ALKBH1: variants seen among roughly 807,000 people sequenced by gnomAD.
ALKBH1 encodes alkB homolog 1, histone H2A dioxygenase, also known as nucleic acid dioxygenase ALKBH1.
Under a neutral mutation model 36.6 loss-of-function variants are expected in ALKBH1, and 31 were observed. The ratio of observed to expected loss-of-function variants is 0.85; its 90% confidence interval spans 0.64 to 1.14. The LOEUF (loss-of-function observed/expected upper bound fraction) is 1.14. Among genes scored for constraint, ALKBH1 ranks in the 50% most tolerant of loss-of-function variants. The pLI, the probability that ALKBH1 is intolerant of heterozygous loss-of-function variation, is 0.00. For synonymous variants in ALKBH1, 183 were observed against 186.6 expected (o/e 0.98, Z 0.16); for missense variants, 490 against 497.3 (o/e 0.99, Z 0.14).
chr14:77,707,817 T>C lies in ALKBH1; in HGVS notation c.183+5A>G. The C allele has an allele frequency of 6.2e-7, 1 of 1,601,184 alleles. No individual in the cohort carries two copies. Among genetic ancestry groups the C allele is most frequent in the Non-Finnish European group, 8.5e-7 (1 of 1,173,502 alleles). On this transcript the variant is annotated splice_donor_5th_base_variant and intron_variant, in intron 1 of 5. Transcript: ENST00000216489. ...GAGAGACGCGCGCCACTCCTCTCTC[T>C]GTACCTTTTGGGCACCAGGACCCTT...
intron 3 of ALKBH1, among the ~76,000 whole-genome samples, chr14:77,691,542 T>G (rs2080297168): frequency 2.6e-5 from 4 of 152,146 alleles, no homozygotes; most frequent in African/African-American, 9.7e-5. Context: ...ATACCTTCAT[T>G]TCTTACATGA....
At position 77,673,827 on chromosome 14, in the gene ALKBH1, T is replaced by C. The variant is rs1450131550; in HGVS notation, c.1155A>G (p.Ile385Met). 7 of 1,613,116 alleles carry C rather than the reference T, an allele frequency of 4.3e-6. No homozygotes were observed. Among genetic ancestry groups the C allele is most frequent in the Non-Finnish European group, 5.1e-6 (6 of 1,179,442 alleles). Reference protein sequence around the residue: ...DQNSEVKRARINPDS With the variant: ...DQNSEVKRARMNPDS ...TCTCCAAGTCTCAGCTGTCAGGGTT[T>C]ATCCTGGCCCGTTTTACTTCGCTAT... The change falls in exon 6 of 6, where the codon ATA (isoleucine) becomes ATG (methionine). Residue 385 changes from isoleucine (I) to methionine (M), a missense_variant. Coordinates refer to ENST00000216489, the MANE Select transcript of ALKBH1 (RefSeq NM_006020.3).
chr14:77,685,917 TATGCC>T (rs1186514572), intron 3 of ALKBH1, among the ~76,000 whole-genome samples: 1 of 152,208 alleles, frequency 6.6e-6, no homozygotes, highest in African/African-American at 2.4e-5. Flanking sequence ...TTTGAGTGTC[TATGCC>T]ATTTTGGGGG....
chr14:77,681,953 C>T (rs1355176583), intron 3 of ALKBH1, among the ~76,000 whole-genome samples: 1 of 152,158 alleles, frequency 6.6e-6, no homozygotes, highest in Non-Finnish European at 1.5e-5. Flanking sequence ...GACTTTGCTC[C>T]AGGTGCCTTT....
At chr14:77,689,206 T>G (rs2080284872) in intron 3 of ALKBH1, among the ~76,000 whole-genome samples, 1 of 152,218 alleles carries the variant, frequency 6.6e-6, no homozygotes, top group South Asian at 2.1e-4. Flanking sequence ...TTTCATACAG[T>G]TTACACTCAC....
chr14:77,685,457 A>C (rs1052422156), intron 3 of ALKBH1, among the ~76,000 whole-genome samples: 1 of 149,674 alleles, frequency 6.7e-6, no homozygotes, highest in Non-Finnish European at 1.5e-5. Flanking sequence ...ACAAAAAAAA[A>C]CAAGGACTCT....
At position 77,674,006 on chromosome 14, in the gene ALKBH1, C is replaced by T. The variant is rs1566810238; in HGVS notation, c.976G>A (p.Asp326Asn). 5.6e-6 allele frequency: 9 copies of T among 1,614,070 alleles called. No homozygotes were observed. Among genetic ancestry groups the T allele is most frequent in the East Asian group, 2.2e-5 (1 of 44,884 alleles). ...AAGTAGCTGGCACACACCTGCCAGT[C>T]CTCCATAGAACAAGGCTCTACCATT... ...DSMVEPCSME[D>N]WQVCASYLKT... The change falls in exon 6 of 6, where the codon GAC becomes AAC. Residue 326 changes from aspartate to asparagine, a missense_variant. Coordinates refer to ENST00000216489, the MANE Select transcript of ALKBH1 (RefSeq NM_006020.3).
chr14:77,680,686 T>C (rs1229454358), intron 3 of ALKBH1, among the ~76,000 whole-genome samples: 20 of 149,648 alleles, frequency 1.3e-4, no homozygotes, highest in East Asian at 7.8e-4. Context: ...TCTTTTTTTT[T>C]TTTTTTTTTT....
Position 77,673,678 on chromosome 14 carries a change from A to G in ALKBH1, c.*134T>C. The G allele has an allele frequency of 2.2e-6, 2 of 927,122 alleles. No homozygotes were observed. Among genetic ancestry groups the G allele is most frequent in the East Asian group, 2.4e-5 (1 of 40,822 alleles). 57.4% of individuals were successfully genotyped at this position (927,122 alleles called of 1,614,324 possible). ...ACTTCTGCGTGGGTTCCAAGGCAACAGTGTGATCAACAATGAGTTCTTCCC... is the reference window on the plus strand; with the variant it reads ...ACTTCTGCGTGGGTTCCAAGGCAACGGTGTGATCAACAATGAGTTCTTCCC... On this transcript the variant is annotated 3_prime_UTR_variant, in exon 6 of 6. Transcript: ENST00000216489.
At chr14:77,701,606 GAGGACAGGTTGT>G (rs1176465814) in intron 2 of ALKBH1, among the ~76,000 whole-genome samples, 1 of 152,120 alleles carries the variant, frequency 6.6e-6, no homozygotes, top group Non-Finnish European at 1.5e-5. Flanking sequence ...ACACAAGTGT[GAGGACAGGTTGT>G]AGTATACTCA....
intron 1 of ALKBH1, among the ~76,000 whole-genome samples, chr14:77,706,096 TAC>T (rs546244923): frequency 9.8e-5 from 11 of 112,794 alleles, no homozygotes; most frequent in African/African-American, 2.2e-4. Context: ...CACACATATA[TAC>T]ACACACACAT....
intron 1 of ALKBH1, 72 bp from the exon 2 acceptor site, chr14:77,704,549 C>T: frequency 8.3e-7 from 1 of 1,200,754 alleles, no homozygotes; most frequent in East Asian, 2.3e-5. Context: ...CTCAAACCTC[C>T]AAACACATTT....
chr14:77,677,231 G>T (rs373354482), intron 4 of ALKBH1, among the ~76,000 whole-genome samples: 2 of 151,854 alleles, frequency 1.3e-5, no homozygotes, highest in African/African-American at 2.4e-5. Context: ...GTAGGAACAG[G>T]GTTTCACCAT....
In ALKBH1 at chr14:77,687,521, A is replaced by G. The variant is rs2080274533; in HGVS notation, c.455+7217T>C. On this transcript the variant is annotated intron_variant, in intron 3 of 5. Transcript: ENST00000216489. ...CCCCCTATCTTTCCTTCCCTTTATA[A>G]TTAAACTTTTAAAAAATTCAGCATT... Among the ~76,000 whole-genome samples the G allele has an allele frequency of 5.9e-5, 9 of 151,980 alleles. No individual in the cohort carries two copies. In the South Asian group the frequency reaches 1.9e-3, roughly 32 times the overall value.
At chr14:77,704,193 C>A (rs1258893099) in intron 2 of ALKBH1, among the ~76,000 whole-genome samples, 176 bp downstream of exon 2, 2 of 152,170 alleles carry the variant, frequency 1.3e-5, no homozygotes, top group African/African-American at 4.8e-5. Context: ...TCTATCCTTT[C>A]AAAACGGACG....
chr14:77,686,085 T>C (rs2080266907), intron 3 of ALKBH1, among the ~76,000 whole-genome samples: 1 of 152,202 alleles, frequency 6.6e-6, no homozygotes, highest in Non-Finnish European at 1.5e-5. Flanking sequence ...CTTCAATATG[T>C]TGAGAGCAGG....
chr14:77,685,744 G>A, intron 3 of ALKBH1, among the ~76,000 whole-genome samples: 1 of 151,990 alleles, frequency 6.6e-6, no homozygotes, highest in East Asian at 1.9e-4. Context: ...CTCCAGCCTG[G>A]GCAATAGAGT....
intron 4 of ALKBH1, among the ~76,000 whole-genome samples, chr14:77,677,415 G>T (rs775562423): frequency 6.6e-6 from 1 of 152,200 alleles, no homozygotes; most frequent in South Asian, 2.1e-4. Context: ...TTCACTTACA[G>T]GTTCCTATAT....
At chr14:77,682,799 G>A (rs1223815351) in intron 3 of ALKBH1, among the ~76,000 whole-genome samples, 1 of 152,138 alleles carries the variant, frequency 6.6e-6, no homozygotes, top group Non-Finnish European at 1.5e-5. Context: ...CCAGGTTGAA[G>A]TGATTCTCCT....
Sources: allele counts gnomAD v4.1 joint callset (sites outside exome capture counted in the v4.1 genomes callset), GRCh38; gene constraint gnomAD v4.1.1; transcripts MANE v1.5; gene names NCBI Gene and HGNC (gene_info 2026-07-23, HGNC 2026-07-21).